NEK11: variants seen among roughly 807,000 people sequenced by gnomAD.
NEK11 encodes the protein serine/threonine-protein kinase Nek11.
NEK11 carries 72 observed loss-of-function variants against 80.7 expected under a neutral mutation model. The observed-to-expected ratio is 0.89, with a 90% CI of 0.74 to 1.08. The LOEUF (loss-of-function observed/expected upper bound fraction) is 1.08. Among genes scored for constraint, NEK11 ranks in the 50% least tolerant of loss-of-function variants. The probability of loss-of-function intolerance (pLI) is 0.00; values close to 1 mark genes in which losing one functional copy is unlikely to be tolerated. For missense variants in NEK11, 764 were observed against 763.6 expected (o/e 1.00, Z -0.01); for synonymous variants, 251 against 260.7 (o/e 0.96, Z 0.36).
chr3:131,081,611 T>G (rs1360450740), intron 4 of NEK11, among the ~76,000 whole-genome samples: 1 of 152,134 alleles, frequency 6.6e-6, no homozygotes, highest in Non-Finnish European at 1.5e-5. Context: ...GCTCAAAAAG[T>G]ATCTCCCAGA....
intron 7 of NEK11, among the ~76,000 whole-genome samples, chr3:131,137,417 T>G (rs1392672355): frequency 2.0e-5 from 3 of 152,022 alleles, no homozygotes; most frequent in Non-Finnish European, 4.4e-5. Flanking sequence ...AATGAGGCCA[T>G]CTAGTAGCTG....
At chr3:131,188,455 C>T (rs2150248407) in intron 14 of NEK11, among the ~76,000 whole-genome samples, 1 of 152,210 alleles carries the variant, frequency 6.6e-6, no homozygotes, top group East Asian at 1.9e-4. Context: ...AAGTGGTTAT[C>T]TTATGTGGCT....
At chr3:131,109,670 A>G in intron 4 of NEK11, 133 bp from the exon 5 acceptor site, 1 of 909,860 alleles carries the variant, frequency 1.1e-6, no homozygotes, top group Non-Finnish European at 1.6e-6. Context: ...TTAAAGAGAG[A>G]ATCTTTGTCA....
At chr3:131,072,793 C>A (rs1329872194) in intron 3 of NEK11, among the ~76,000 whole-genome samples, 1 of 152,086 alleles carries the variant, frequency 6.6e-6, no homozygotes, top group Non-Finnish European at 1.5e-5. Flanking sequence ...CACTCTTCTA[C>A]GAGACAGCCC....
In NEK11 at chr3:131,168,369, T is replaced by A. The variant is rs544690758; in HGVS notation, c.1177-461T>A. ...TTTTTTTATTTTTATTTATTTATTT[T>A]TTTTTGAGACGGAGTCTCGCTCTGT... is the stretch of plus-strand genomic sequence containing the variant. On this transcript the variant is annotated intron_variant, in intron 12 of 17. Coordinates refer to ENST00000383366, the MANE Select transcript of NEK11 (RefSeq NM_024800.5). Among the ~76,000 whole-genome samples, 443 of 151,028 alleles carry A rather than the reference T, an allele frequency of 2.9e-3. 2 individuals are homozygous for A. Among genetic ancestry groups the A allele is most frequent in the Non-Finnish European group, 4.2e-3 (287 of 67,640 alleles).
chr3:131,274,433 CTTTATAGCAGCATGA>C (rs2096256990), intron 17 of NEK11, among the ~76,000 whole-genome samples: 1 of 148,270 alleles, frequency 6.7e-6, no homozygotes, highest in African/African-American at 2.6e-5. Context: ...GTGCATGTGT[CTTTATAGCAGCATGA>C]TTTATAGTCC....
chr3:131,120,533 A>G (rs1459339895), intron 5 of NEK11, among the ~76,000 whole-genome samples: 1 of 152,116 alleles, frequency 6.6e-6, no homozygotes, highest in Non-Finnish European at 1.5e-5. Context: ...CTGCCTTGCT[A>G]TATTGGGGAA....
intron 17 of NEK11, among the ~76,000 whole-genome samples, chr3:131,319,491 AG>A (rs2096876668): frequency 6.6e-6 from 1 of 152,170 alleles, no homozygotes; most frequent in Non-Finnish European, 1.5e-5. Context: ...GCATGCTTAT[AG>A]TATGATTGTA....
At chr3:131,233,137 A>C (rs1449421373) in intron 15 of NEK11, among the ~76,000 whole-genome samples, 2 of 151,746 alleles carry the variant, frequency 1.3e-5, no homozygotes, top group African/African-American at 4.8e-5. Flanking sequence ...GGAGGGAGAG[A>C]GAGAGGGAGC....
intron 14 of NEK11, among the ~76,000 whole-genome samples, chr3:131,204,976 G>T (rs1016080879): frequency 1.3e-5 from 2 of 152,082 alleles, no homozygotes; most frequent in African/African-American, 4.8e-5. Flanking sequence ...CTAAACATGA[G>T]TTATAGTTCA....
At chr3:131,046,320 G>A in intron 3 of NEK11, among the ~76,000 whole-genome samples, 1 of 152,080 alleles carries the variant, frequency 6.6e-6, no homozygotes, top group Admixed American at 6.6e-5. Flanking sequence ...AATTCTCTCA[G>A]TATTTGTTTG....
At chr3:131,103,506 C>A (rs1251810881) in intron 4 of NEK11, among the ~76,000 whole-genome samples, 2 of 152,144 alleles carry the variant, frequency 1.3e-5, no homozygotes, top group Admixed American at 1.3e-4. Context: ...CTGGTAGAGG[C>A]TCTTACTCTG....
At chr3:131,049,963 C>CAA (rs5852614) in intron 3 of NEK11, among the ~76,000 whole-genome samples, 7 of 132,024 alleles carry the variant, frequency 5.3e-5, no homozygotes, top group South Asian at 2.4e-4. Context: ...TGTTTCAGTC[C>CAA]AAAAAAAAAA....
intron 5 of NEK11, among the ~76,000 whole-genome samples, chr3:131,126,807 A>G (rs567523986): frequency 7.5e-4 from 114 of 152,090 alleles, no homozygotes; most frequent in African/African-American, 2.6e-3. Context: ...TCCTTTTACA[A>G]TGCTTAAAGA....
In NEK11 at chr3:131,051,024, C is replaced by T. The variant is rs543801111; in HGVS notation, c.170+21146C>T. ...TCCCATCCTAGGCGACAGAGTGAGACCCTGCCTCCAAAAAAAATTAGTATA... is the reference window on the plus strand; with the variant it reads ...TCCCATCCTAGGCGACAGAGTGAGATCCTGCCTCCAAAAAAAATTAGTATA... On this transcript the variant is annotated intron_variant, in intron 3 of 17. Transcript: ENST00000383366. 1.2e-4 allele frequency among the ~76,000 whole-genome samples: 18 copies of T among 152,248 alleles called. No homozygotes were observed. In the South Asian group the frequency reaches 3.7e-3, roughly 32 times the overall value.
chr3:131,274,949 G>A (rs188777020), intron 17 of NEK11, among the ~76,000 whole-genome samples: 1,594 of 151,730 alleles, frequency 0.011, 10 homozygotes, highest in African/African-American at 0.031. Flanking sequence ...CACCGCGCCC[G>A]GCCGTTTCCT....
chr3:131,295,566 C>T (rs2096585006), intron 17 of NEK11, among the ~76,000 whole-genome samples: 1 of 152,110 alleles, frequency 6.6e-6, no homozygotes, highest in Non-Finnish European at 1.5e-5. Context: ...TTGCATTAAA[C>T]AATTTTTAAG....
chr3:131,349,388 T>C (rs1246163468), intron 17 of NEK11, among the ~76,000 whole-genome samples, 169 bp from the exon 18 acceptor site: 1 of 152,184 alleles, frequency 6.6e-6, no homozygotes, highest in Non-Finnish European at 1.5e-5. Context: ...AGGCATTATT[T>C]GTTGAATACT....
chr3:131,228,707 C>G lies in NEK11; in HGVS notation c.1560+19C>G, dbSNP rs558240999. 1 of 1,606,100 alleles carries G rather than the reference C, an allele frequency of 6.2e-7. No individual in the cohort carries two copies. The highest frequency in any genetic ancestry group is 1.7e-5 in the Admixed American group (1 of 59,614). On this transcript the variant is annotated intron_variant, in intron 15 of 17. Coordinates refer to ENST00000383366, the MANE Select transcript of NEK11 (RefSeq NM_024800.5). ...CCAACAGGTATGTAATGCTCCCTGTCGGAAGCCATGGAACTGTTCAAGGTA... is the reference window on the plus strand; with the variant it reads ...CCAACAGGTATGTAATGCTCCCTGTGGGAAGCCATGGAACTGTTCAAGGTA...
Sources: allele counts gnomAD v4.1 joint callset (sites outside exome capture counted in the v4.1 genomes callset), GRCh38; gene constraint gnomAD v4.1.1; transcripts MANE v1.5; gene names NCBI Gene and HGNC (gene_info 2026-07-23, HGNC 2026-07-21).